DNAH9: variants seen among roughly 807,000 people sequenced by gnomAD.
The protein encoded by DNAH9 is dynein axonemal heavy chain 9.
Under a neutral mutation model 471.6 loss-of-function variants are expected in DNAH9, and 345 were observed. That is an observed-to-expected ratio of 0.73 (90% confidence interval 0.67 to 0.80). DNAH9 has a LOEUF of 0.80. DNAH9 is among the 30% of genes least tolerant of loss of function. The probability of loss-of-function intolerance (pLI) is 0.00; values close to 1 mark genes in which losing one functional copy is unlikely to be tolerated. For synonymous variants in DNAH9, 2,093 were observed against 2,123.6 expected (o/e 0.99, Z 0.40); for missense variants, 5,407 against 5,609.2 (o/e 0.96, Z 1.15).
chr17:11,895,286 C>G (rs1031757235), intron 59 of DNAH9, among the ~76,000 whole-genome samples: 1 of 152,198 alleles, frequency 6.6e-6, no homozygotes, highest in Non-Finnish European at 1.5e-5. Context: ...GCTCCAGAGT[C>G]CAGGCCTGCA....
chr17:11,821,962 T>C lies in DNAH9; in HGVS notation c.8750T>C (p.Ile2917Thr). 1 of 1,614,144 alleles carries C rather than the reference T, an allele frequency of 6.2e-7. No individual in the cohort carries two copies. Among genetic ancestry groups the C allele is most frequent in the Non-Finnish European group, 8.5e-7 (1 of 1,180,014 alleles). Residue 2917 changes from isoleucine to threonine, a missense_variant, in exon 46 of 69, where the codon ATC becomes ACC. Ile to Thr is a moderately conservative substitution (Grantham distance 89). Transcript: ENST00000262442. ...DLYSDDEVEN[I>T]ISNVRNEVKS... The stretch of plus-strand genomic sequence containing the variant: ...TACTCTGATGATGAAGTTGAAAACA[T>C]CATAAGCAATGTGAGGAATGAAGTC...
chr17:11,867,036 G>A (rs975280554), intron 50 of DNAH9, among the ~76,000 whole-genome samples: 11 of 152,164 alleles, frequency 7.2e-5, no homozygotes, highest in African/African-American at 2.2e-4. Context: ...ACTGACCTGT[G>A]CCCACTCTCT....
At chr17:11,784,069 G>A (rs1968767459) in intron 40 of DNAH9, among the ~76,000 whole-genome samples, 1 of 152,126 alleles carries the variant, frequency 6.6e-6, no homozygotes. Context: ...CTGAGTCCAA[G>A]TTTAGTTCTC....
At position 11,756,634 on chromosome 17, in the gene DNAH9, AG is replaced by A; in HGVS notation, c.6806del (p.Ser2269ThrfsTer30). The A allele has an allele frequency of 6.2e-7, 1 of 1,613,910 alleles. No individual in the cohort carries two copies. The highest frequency in any genetic ancestry group is 8.5e-7 in the Non-Finnish European group (1 of 1,179,802). On this transcript the variant is annotated frameshift_variant, in exon 34 of 69. Transcript: ENST00000262442. LOFTEE classifies it high-confidence loss of function. ...NPTMKLLFEI[S>X]HLRTATPATV... ...CACCATGAAGCTCCTCTTTGAGATC[AG>A]CCACCTGCGCACAGCCACTCCAGCA...
intron 64 of DNAH9, 68 bp from the exon 65 acceptor site, chr17:11,933,812 G>C: frequency 6.9e-7 from 1 of 1,456,554 alleles, no homozygotes; most frequent in Non-Finnish European, 9.4e-7. Context: ...TGCCCAGATG[G>C]GAGGCCAGCC....
chr17:11,854,900 C>A (rs1278173047), intron 50 of DNAH9, among the ~76,000 whole-genome samples: 2 of 152,116 alleles, frequency 1.3e-5, no homozygotes, highest in East Asian at 1.9e-4. Flanking sequence ...GGCCCCTAGT[C>A]CATAAATATA....
At chr17:11,783,878 A>G in intron 40 of DNAH9, 130 bp downstream of exon 40, 1 of 703,258 alleles carries the variant, frequency 1.4e-6, no homozygotes, top group Non-Finnish European at 2.4e-6. Context: ...ATAGAATGCC[A>G]AATTGCATCT....
chr17:11,651,890 A>G (rs2073514174), intron 13 of DNAH9, among the ~76,000 whole-genome samples: 1 of 152,152 alleles, frequency 6.6e-6, no homozygotes, highest in Non-Finnish European at 1.5e-5. Context: ...AAAAGCCATC[A>G]TAGAGGTAAA....
rs778588804 is a variant in DNAH9, at chr17:11,617,577, G to C, written c.1071G>C (p.Arg357Ser). The C allele has an allele frequency of 6.2e-7, 1 of 1,614,146 alleles. No individual in the cohort carries two copies. The highest frequency in any genetic ancestry group is 1.1e-5 in the South Asian group (1 of 91,080). Residue 357 changes from arginine to serine, a missense_variant, in exon 5 of 69, where the codon AGG (arginine) becomes AGC (serine). By Grantham distance (110) the Arg-to-Ser change is moderately radical (BLOSUM62 -1). Around this residue, in one of 3 missense-constraint regions of DNAH9, gnomAD observed 767 missense variants for 692.5 expected, o/e 1.11. Transcript: ENST00000262442. The stretch of plus-strand genomic sequence containing the variant: ...GCAAGTCCTACCGCTCCCCGGGAAG[G>C]CTGACTGTGCTGCTCCAGGAGATTT... ...ATCKSYRSPG[R>S]LTVLLQEICN...
chr17:11,904,630 C>CAAAAAAAAAAA (rs202059757), intron 60 of DNAH9, among the ~76,000 whole-genome samples: 53 of 111,448 alleles, frequency 4.8e-4, no homozygotes, highest in Non-Finnish European at 7.4e-4. Flanking sequence ...GACTCCATCT[C>CAAAAAAAAAAA]AAAAAAAAAA....
chr17:11,686,574 T>C (rs1597477970), intron 19 of DNAH9, among the ~76,000 whole-genome samples: 1 of 152,268 alleles, frequency 6.6e-6, no homozygotes, highest in Middle Eastern at 3.4e-3. Flanking sequence ...TGGGTTCCCT[T>C]CACAACTTAG....
At chr17:11,817,045 C>T (rs142020094) in intron 45 of DNAH9, among the ~76,000 whole-genome samples, 19 of 148,008 alleles carry the variant, frequency 1.3e-4, no homozygotes, top group South Asian at 6.3e-4. Flanking sequence ...GGTGGCAGAG[C>T]GAGCCGTCTC....
chr17:11,920,637 AAAAG>A (rs1271112697), intron 61 of DNAH9, among the ~76,000 whole-genome samples: 1 of 150,594 alleles, frequency 6.6e-6, no homozygotes, highest in Non-Finnish European at 1.5e-5. Context: ...AAAAAAAAAG[AAAAG>A]AAAAAAGAAA....
chr17:11,654,424 A>G lies in DNAH9; in HGVS notation c.2595+1422A>G, dbSNP rs1488025761. Among the ~76,000 whole-genome samples the G allele has an allele frequency of 3.3e-5, 5 of 150,706 alleles. No individual in the cohort carries two copies. In the Admixed American group the frequency reaches 3.3e-4, roughly 10 times the overall value. ...CCATCTATCGTCTATGTATCTATCT[A>G]TTGATGTATCACCTATCTATGTGAT... On this transcript the variant is annotated intron_variant, in intron 14 of 68. Coordinates refer to ENST00000262442, the MANE Select transcript of DNAH9 (RefSeq NM_001372.4).
At chr17:11,759,986 T>A (rs1182670805) in intron 35 of DNAH9, among the ~76,000 whole-genome samples, 1 of 152,184 alleles carries the variant, frequency 6.6e-6, no homozygotes, top group East Asian at 1.9e-4. Context: ...GCACCCAGCC[T>A]AATTTTTGTA....
At chr17:11,797,828 G>A in intron 43 of DNAH9, 35 bp downstream of exon 43, 1 of 1,589,610 alleles carries the variant, frequency 6.3e-7, no homozygotes, top group Non-Finnish European at 8.6e-7. Flanking sequence ...TTCCTCAGTT[G>A]CTTCCTCTTC....
chr17:11,749,784 T>C (rs1967073503), intron 32 of DNAH9, among the ~76,000 whole-genome samples: 1 of 152,140 alleles, frequency 6.6e-6, no homozygotes, highest in Non-Finnish European at 1.5e-5. Context: ...CTAAATTGCA[T>C]ATGTATATTG....
chr17:11,782,319 C>A (rs919107738), intron 39 of DNAH9, among the ~76,000 whole-genome samples: 5 of 152,158 alleles, frequency 3.3e-5, no homozygotes, highest in Admixed American at 3.3e-4. Context: ...ACCATATGGC[C>A]TTAGTATGTC....
At position 11,834,591 on chromosome 17, in the gene DNAH9, T is replaced by C. The variant is rs1256136766; in HGVS notation, c.9247-47T>C. 4 of 1,607,028 alleles carry C rather than the reference T, an allele frequency of 2.5e-6. No homozygotes were observed. In the African/African-American group the frequency reaches 5.3e-5, roughly 21 times the overall value. The stretch of plus-strand genomic sequence containing the variant: ...CCAGTGACTAGTCCAGTGCCCACAG[T>C]CCCTCCAGTCACAACTCCTGATAAG... On this transcript the variant is annotated intron_variant, in intron 48 of 68. Coordinates refer to ENST00000262442, the MANE Select transcript of DNAH9 (RefSeq NM_001372.4).
Sources: gnomAD v4.1 joint callset for allele counts (sites outside exome capture counted in the v4.1 genomes callset) on GRCh38, gnomAD v4.1.1 for gene constraint, gnomAD v4.1.1 regional missense constraint, MANE v1.5 for transcripts, NCBI Gene and HGNC (gene_info 2026-07-23, HGNC 2026-07-21) for gene names.